Variants in VAV3 observed in about 807,000 individuals in gnomAD.
VAV3 encodes the protein guanine nucleotide exchange factor VAV3.
In VAV3, 94 loss-of-function variants were observed where a neutral mutation model predicts 131.2. The ratio of observed to expected loss-of-function variants is 0.72; its 90% confidence interval spans 0.61 to 0.85. The LOEUF (loss-of-function observed/expected upper bound fraction) is 0.85, where lower values mean the gene tolerates loss of function less well. Ranked by LOEUF, VAV3 falls within the 40% of genes least tolerant of loss-of-function variation. The pLI is 0.00. For missense variants in VAV3, 939 were observed against 1,002.7 expected (o/e 0.94, Z 0.86); for synonymous variants, 349 against 342.0 (o/e 1.02, Z -0.22).
intron 19 of VAV3, among the ~76,000 whole-genome samples, chr1:107,668,328 TG>T (rs1557747653): frequency 6.6e-6 from 1 of 152,230 alleles, no homozygotes; most frequent in East Asian, 1.9e-4. Flanking sequence ...AACACATATA[TG>T]GAAGTTTTAT....
At chr1:107,894,519 T>A (rs2101069188) in intron 1 of VAV3, among the ~76,000 whole-genome samples, 1 of 152,304 alleles carries the variant, frequency 6.6e-6, no homozygotes, top group Non-Finnish European at 1.5e-5. Context: ...AATTTCATTA[T>A]GATGAAATTA....
At chr1:107,910,814 T>C (rs1363711853) in intron 1 of VAV3, among the ~76,000 whole-genome samples, 1 of 152,046 alleles carries the variant, frequency 6.6e-6, no homozygotes, top group Non-Finnish European at 1.5e-5. Flanking sequence ...ACCCCATCTC[T>C]ACTAAAAATA....
At chr1:107,951,239 A>C (rs868202603) in intron 1 of VAV3, among the ~76,000 whole-genome samples, 5 of 152,140 alleles carry the variant, frequency 3.3e-5, no homozygotes, top group South Asian at 2.1e-4. Flanking sequence ...GTAACCATTC[A>C]TGTCTCTGTC....
chr1:107,665,115 T>G (rs1657319566), intron 19 of VAV3, among the ~76,000 whole-genome samples: 2 of 152,174 alleles, frequency 1.3e-5, no homozygotes, highest in South Asian at 4.1e-4. Flanking sequence ...AAATCATTCT[T>G]CTGATAGTCT....
intron 24 of VAV3, among the ~76,000 whole-genome samples, chr1:107,598,145 G>C (rs1170409749): frequency 6.6e-6 from 1 of 152,166 alleles, no homozygotes; most frequent in Non-Finnish European, 1.5e-5. Flanking sequence ...CCTGAGGCCA[G>C]GAGTTTGAGA....
At chr1:107,940,806 G>A (rs1366909777) in intron 1 of VAV3, among the ~76,000 whole-genome samples, 1 of 152,112 alleles carries the variant, frequency 6.6e-6, no homozygotes, top group Admixed American at 6.6e-5. Context: ...GTAGAAAGGG[G>A]GTTGCCAGGG....
intron 25 of VAV3, among the ~76,000 whole-genome samples, chr1:107,586,092 A>G (rs1224112679): frequency 1.3e-5 from 2 of 151,760 alleles, no homozygotes; most frequent in Non-Finnish European, 2.9e-5. Context: ...CCAGTTAAAA[A>G]TTGTAAGCCA....
chr1:107,888,163 TA>T (rs1671128562), intron 1 of VAV3, among the ~76,000 whole-genome samples: 1 of 152,204 alleles, frequency 6.6e-6, no homozygotes, highest in South Asian at 2.1e-4. Flanking sequence ...ACACTGTTAT[TA>T]ACCCCACACT....
At position 107,573,270 on chromosome 1, in the gene VAV3, C is replaced by A. The variant is rs1057441540; in HGVS notation, c.*61G>T. 1.4e-5 allele frequency: 22 copies of A among 1,582,670 alleles called. 1 individual carries two copies. In the South Asian group the frequency reaches 2.4e-4, roughly 17 times the overall value. On this transcript the variant is annotated 3_prime_UTR_variant, in exon 27 of 27. Transcript: ENST00000370056. The stretch of plus-strand genomic sequence containing the variant: ...ACTTCAGTTAATTCACGATGCTGTG[C>A]AGGCTTCTATTTATCCCTTCTCTGA...
At chr1:107,644,699 T>C (rs985961660) in intron 19 of VAV3, among the ~76,000 whole-genome samples, 8 of 151,776 alleles carry the variant, frequency 5.3e-5, no homozygotes, top group Non-Finnish European at 8.8e-5. Context: ...ATTCACAGAG[T>C]GTTTAGGAAA....
At chr1:107,852,672 C>T (rs143333654) in intron 2 of VAV3, among the ~76,000 whole-genome samples, 315 of 152,016 alleles carry the variant, frequency 2.1e-3, no homozygotes, top group African/African-American at 7.2e-3. Flanking sequence ...GTTTTTATTC[C>T]AAATTATTAA....
intron 2 of VAV3, among the ~76,000 whole-genome samples, chr1:107,837,107 A>AAAAAC (rs1668513096): frequency 1.3e-5 from 2 of 152,174 alleles, no homozygotes; most frequent in East Asian, 3.9e-4. Flanking sequence ...ATGGGCAAAA[A>AAAAAC]AAAACAAAAC....
At chr1:107,847,461 T>C (rs1202813908) in intron 2 of VAV3, among the ~76,000 whole-genome samples, 1 of 152,002 alleles carries the variant, frequency 6.6e-6, no homozygotes, top group East Asian at 1.9e-4. Context: ...AAAAAACCCT[T>C]CAAAAAAATC....
chr1:107,790,968 G>A (rs2102271617), intron 2 of VAV3, among the ~76,000 whole-genome samples: 1 of 152,174 alleles, frequency 6.6e-6, no homozygotes, highest in East Asian at 1.9e-4. Flanking sequence ...TTACAGGAGT[G>A]AGCCACTGCA....
intron 19 of VAV3, among the ~76,000 whole-genome samples, chr1:107,648,347 T>G (rs1374719263): frequency 6.6e-6 from 1 of 151,976 alleles, no homozygotes; most frequent in Admixed American, 6.6e-5. Flanking sequence ...TCTTTGGAAG[T>G]TTTTTTCACC....
chr1:107,721,536 G>A (rs1479157493), intron 15 of VAV3, among the ~76,000 whole-genome samples: 1 of 152,196 alleles, frequency 6.6e-6, no homozygotes, highest in Admixed American at 6.5e-5. Flanking sequence ...GGTGCTTGTA[G>A]AGGCAGCAGA....
chr1:107,831,979 A>G (rs901069073), intron 2 of VAV3, among the ~76,000 whole-genome samples: 2 of 152,192 alleles, frequency 1.3e-5, no homozygotes, highest in African/African-American at 2.4e-5. Context: ...TACAACATCT[A>G]TTCAACCCAT....
At chr1:107,807,630 T>C (rs2102321092) in intron 2 of VAV3, among the ~76,000 whole-genome samples, 1 of 152,280 alleles carries the variant, frequency 6.6e-6, no homozygotes, top group East Asian at 1.9e-4. Context: ...AACCAGCACA[T>C]AGCCCAGCCC....
intron 15 of VAV3, among the ~76,000 whole-genome samples, chr1:107,746,597 T>A (rs1376119719): frequency 6.6e-6 from 1 of 152,276 alleles, no homozygotes; most frequent in South Asian, 2.1e-4. Flanking sequence ...CCTTCTTCCA[T>A]AGTAAAAGAA....
Sources: allele counts gnomAD v4.1 joint callset (sites outside exome capture counted in the v4.1 genomes callset), GRCh38; gene constraint gnomAD v4.1.1; transcripts MANE v1.5; gene names NCBI Gene and HGNC (gene_info 2026-07-23, HGNC 2026-07-21).